Variants in PTPRO observed in about 807,000 individuals in gnomAD.
PTPRO encodes receptor-type tyrosine-protein phosphatase O.
Under a neutral mutation model 145.2 loss-of-function variants are expected in PTPRO, and 62 were observed. The observed-to-expected ratio is 0.43, with a 90% CI of 0.35 to 0.53. The LOEUF (loss-of-function observed/expected upper bound fraction) is 0.53, where lower values mean the gene tolerates loss of function less well. PTPRO is among the 20% of genes least tolerant of loss of function. PTPRO has a pLI of 0.01. For synonymous variants in PTPRO, 565 were observed against 514.7 expected (o/e 1.10, Z -1.32); for missense variants, 1,345 against 1,482.7 (o/e 0.91, Z 1.53).
chr12:15,402,101 A>C (rs945199902), intron 1 of PTPRO, among the ~76,000 whole-genome samples: 1 of 152,178 alleles, frequency 6.6e-6, no homozygotes. Context: ...AAGAAAACCC[A>C]ATAGGAAGCC....
At chr12:15,442,747 CCA>C (rs1940803703) in intron 1 of PTPRO, among the ~76,000 whole-genome samples, 1 of 151,872 alleles carries the variant, frequency 6.6e-6, no homozygotes. Context: ...TTTACAATAG[CCA>C]CACACACAAA....
At chr12:15,559,114 T>C (rs1943711308) in intron 16 of PTPRO, among the ~76,000 whole-genome samples, 1 of 152,214 alleles carries the variant, frequency 6.6e-6, no homozygotes. Context: ...TCCAATTATA[T>C]GTATTTAATA....
intron 4 of PTPRO, among the ~76,000 whole-genome samples, chr12:15,499,799 T>C (rs7965906): frequency 6.6e-6 from 1 of 152,126 alleles, no homozygotes; most frequent in Admixed American, 6.5e-5. Context: ...GTCAATGTAA[T>C]CATAGATTTC....
chr12:15,480,804 CAGAG>C (rs1941763581), intron 1 of PTPRO, among the ~76,000 whole-genome samples: 1 of 152,118 alleles, frequency 6.6e-6, no homozygotes, highest in African/African-American at 2.4e-5. Flanking sequence ...CACACACAGA[CAGAG>C]AGACAGACAG....
chr12:15,590,903 A>G (rs1434781115), intron 25 of PTPRO, among the ~76,000 whole-genome samples: 1 of 152,186 alleles, frequency 6.6e-6, no homozygotes, highest in Non-Finnish European at 1.5e-5. Context: ...TGCTTTATTA[A>G]TCGGTCCATA....
intron 2 of PTPRO, among the ~76,000 whole-genome samples, chr12:15,491,835 A>G (rs1024363482): frequency 1.3e-5 from 2 of 152,252 alleles, no homozygotes; most frequent in African/African-American, 4.8e-5. Context: ...TGGAAAAGAC[A>G]CTATTGAGTC....
Position 15,415,112 on chromosome 12 carries a change from A to T in PTPRO, c.76-68862A>T, listed in dbSNP as rs965290285. 2.6e-5 allele frequency among the ~76,000 whole-genome samples: 4 copies of T among 152,304 alleles called. No homozygotes were observed. The South Asian group carries it at 8.3e-4, about 32-fold the overall frequency. ...GTGGAGGGGCTAAGGAAGAACACTG[A>T]GAGATGGGACAGAGATGGCTTGCCA... On this transcript the variant is annotated intron_variant, in intron 1 of 26. Transcript: ENST00000281171.
chr12:15,415,592 A>T (rs188022329), intron 1 of PTPRO, among the ~76,000 whole-genome samples: 26 of 151,412 alleles, frequency 1.7e-4, no homozygotes, highest in African/African-American at 6.4e-4. Flanking sequence ...CACTCATGTT[A>T]GCCAGGATGG....
chr12:15,482,992 A>G (rs889723313), intron 1 of PTPRO, among the ~76,000 whole-genome samples: 1 of 152,158 alleles, frequency 6.6e-6, no homozygotes, highest in African/African-American at 2.4e-5. Flanking sequence ...TCAACATTAA[A>G]TGAGATGTTT....
intron 1 of PTPRO, among the ~76,000 whole-genome samples, chr12:15,330,330 T>C (rs1054209958): frequency 6.6e-6 from 1 of 152,186 alleles, no homozygotes; most frequent in Middle Eastern, 3.4e-3. Context: ...ATGTGGGAAA[T>C]TGGAGAGAGC....
intron 1 of PTPRO, among the ~76,000 whole-genome samples, chr12:15,479,012 A>G (rs1390342392): frequency 6.6e-6 from 1 of 151,396 alleles, no homozygotes; most frequent in Non-Finnish European, 1.5e-5. Context: ...TCTCATCTTC[A>G]CTCTTCACCT....
intron 1 of PTPRO, among the ~76,000 whole-genome samples, chr12:15,367,716 T>G (rs1938404426): frequency 6.6e-6 from 1 of 152,134 alleles, no homozygotes; most frequent in Non-Finnish European, 1.5e-5. Context: ...AACTCCACCC[T>G]CCCAGTTGAT....
chr12:15,448,450 C>T (rs1375871881), intron 1 of PTPRO, among the ~76,000 whole-genome samples: 2 of 149,210 alleles, frequency 1.3e-5, no homozygotes, highest in Non-Finnish European at 3.0e-5. Flanking sequence ...AAGTATTCAT[C>T]AGACATTTGT....
chr12:15,569,474 C>T lies in PTPRO; in HGVS notation c.2805C>T (p.Asp935=), dbSNP rs779600178. ...AYIKDMAKDS[D]YKFSLQFEEL... ...TTAAGGATATGGCCAAAGACTCTGA[C>T]TATAAATTTTCTCTTCAGTTTGAGG... Residue 935 remains aspartate, a synonymous_variant, in exon 19 of 27, where the codon GAC becomes GAT. Transcript: ENST00000281171. 1.2e-6 allele frequency: 2 copies of T among 1,613,550 alleles called. No individual in the cohort carries two copies. Among genetic ancestry groups the T allele is most frequent in the Non-Finnish European group, 8.5e-7 (1 of 1,179,576 alleles).
In PTPRO at chr12:15,333,300, T is replaced by C. The variant is rs186355962; in HGVS notation, c.75+10499T>C. 9.8e-5 allele frequency among the ~76,000 whole-genome samples: 15 copies of C among 152,322 alleles called. No individual in the cohort carries two copies. The East Asian group carries it at 2.9e-3, about 29-fold the overall frequency. On this transcript the variant is annotated intron_variant, in intron 1 of 26. Coordinates refer to ENST00000281171, the MANE Select transcript of PTPRO (RefSeq NM_030667.3). The stretch of plus-strand genomic sequence containing the variant: ...ATTTTACCACTCTTACCTAAGCTTC[T>C]TTTTCTTCAGAGAATGTATCATTCA...
intron 1 of PTPRO, among the ~76,000 whole-genome samples, chr12:15,467,567 A>G (rs1473202077): frequency 6.6e-6 from 1 of 151,932 alleles, no homozygotes; most frequent in Non-Finnish European, 1.5e-5. Context: ...TTCTCTCCTA[A>G]CTAATGCAGT....
chr12:15,520,332 C>G lies in PTPRO; in HGVS notation c.1891+20C>G, dbSNP rs1462243975. 3.2e-6 allele frequency: 5 copies of G among 1,548,710 alleles called. No individual in the cohort carries two copies. In the South Asian group the frequency reaches 4.5e-5, roughly 14 times the overall value. ...TAACAGGTGAGGCATGTGTGGGGAACAGTTCCACAAGGAGAGAGCATTATT... is the reference window on the plus strand; with the variant it reads ...TAACAGGTGAGGCATGTGTGGGGAAGAGTTCCACAAGGAGAGAGCATTATT... On this transcript the variant is annotated intron_variant, in intron 10 of 26. Coordinates refer to ENST00000281171, the MANE Select transcript of PTPRO (RefSeq NM_030667.3).
At chr12:15,453,023 C>CT (rs35060016) in intron 1 of PTPRO, among the ~76,000 whole-genome samples, 12 of 151,198 alleles carry the variant, frequency 7.9e-5, no homozygotes, top group Admixed American at 2.6e-4. Flanking sequence ...ACACACATCC[C>CT]TTTTTTTTTC....
intron 7 of PTPRO, 99 bp from the exon 8 acceptor site, chr12:15,515,399 C>G (rs1405828161): frequency 1.5e-5 from 23 of 1,491,912 alleles, no homozygotes; most frequent in Non-Finnish European, 2.1e-5. Flanking sequence ...TCAAAGTCAT[C>G]TGTGATTCCA....
Sources: gnomAD v4.1 joint callset for allele counts (sites outside exome capture counted in the v4.1 genomes callset) on GRCh38, gnomAD v4.1.1 for gene constraint, MANE v1.5 for transcripts, NCBI Gene and HGNC (gene_info 2026-07-23, HGNC 2026-07-21) for gene names.